The following MORC3 variants were observed in gnomAD, a reference collection of about 807,000 sequenced individuals.
MORC3 encodes the protein MORC family CW-type zinc finger protein 3.
In MORC3, 31 loss-of-function variants were observed where a neutral mutation model predicts 109.1. The ratio of observed to expected loss-of-function variants is 0.28; its 90% CI spans 0.21 to 0.38. The LOEUF (loss-of-function observed/expected upper bound fraction) is 0.38. Ranked by LOEUF, MORC3 falls within the 10% of genes least tolerant of loss-of-function variation. The pLI is 1.00. For missense variants in MORC3, 867 were observed against 1,135.8 expected (o/e 0.76, Z 3.40); for synonymous variants, 395 against 380.7 (o/e 1.04, Z -0.44).
intron 16 of MORC3, 87 bp from the exon 17 acceptor site, chr21:36,375,056 A>G (rs2085914705): frequency 9.0e-6 from 12 of 1,327,392 alleles, no homozygotes. Flanking sequence ...TTCTACGGAG[A>G]TTTGATTTTG....
chr21:36,364,784 G>C (rs1001929940), intron 14 of MORC3, among the ~76,000 whole-genome samples: 1 of 151,678 alleles, frequency 6.6e-6, no homozygotes, highest in Non-Finnish European at 1.5e-5. Flanking sequence ...GGGCGCGGTG[G>C]TTCACGCCTG....
Position 36,376,058 on chromosome 21 carries a change from A to G in MORC3, c.*762A>G, listed in dbSNP as rs901649483. On this transcript the variant is annotated 3_prime_UTR_variant, in exon 17 of 17. Coordinates refer to ENST00000400485, the MANE Select transcript of MORC3 (RefSeq NM_015358.3). Reference sequence around the variant, plus strand: ...GAAGTGGGCATGATAATTTTTTAATATTTCTTTTTGTGAAATTTCCTGTAC... The same window carrying G: ...GAAGTGGGCATGATAATTTTTTAATGTTTCTTTTTGTGAAATTTCCTGTAC... 6.6e-6 allele frequency: 1 copy of G among 152,248 alleles called. No homozygotes were observed. Among genetic ancestry groups the G allele is most frequent in the Non-Finnish European group, 1.5e-5 (1 of 68,030 alleles). The allele number at this position is 152,248 out of a possible 1,614,324, so 9.4% of individuals were successfully genotyped here. A position where few individuals can be genotyped will look rare whatever the true frequency, so the allele number is the denominator to read the frequency against.
chr21:36,320,282 C>G lies in MORC3; in HGVS notation c.18C>G (p.Pro6=), dbSNP rs995355338. ...CGCTCAAGATGGCGGCGCAGCCACC[C>G]CGCGGGATACGCCTCAGCGCGGTGA... MAAQP[P]RGIRLSALCP... The change falls in exon 1 of 17, where the codon CCC becomes CCG. Residue 6 remains proline (P), a synonymous_variant. Transcript: ENST00000400485. The G allele has an allele frequency of 1.3e-6, 2 of 1,579,168 alleles. No individual in the cohort carries two copies. The highest frequency in any genetic ancestry group is 2.7e-5 in the African/African-American group (2 of 73,714).
chr21:36,344,523 C>T lies in MORC3; in HGVS notation c.757-56C>T, dbSNP rs2085486565. ...GGAGAGCTTCTGTGTAAATCCATGT[C>T]TAAGTAATGGTGAGCAAACCTGTAG... is the stretch of plus-strand genomic sequence containing the variant. On this transcript the variant is annotated intron_variant, in intron 6 of 16. Coordinates refer to ENST00000400485, the MANE Select transcript of MORC3 (RefSeq NM_015358.3). 5.1e-6 allele frequency: 8 copies of T among 1,562,010 alleles called. No homozygotes were observed. In the South Asian group the frequency reaches 7.1e-5, roughly 14 times the overall value.
In MORC3 at chr21:36,369,075, A is replaced by C. The variant is rs1280675368; in HGVS notation, c.1707A>C (p.Lys569Asn). 1 of 1,614,174 alleles carries C rather than the reference A, an allele frequency of 6.2e-7. No homozygotes were observed. The change falls in exon 15 of 17, where the codon AAA becomes AAC. Residue 569 changes from lysine (K) to asparagine (N), a missense_variant. Around this residue, in one of 7 missense-constraint regions of MORC3, gnomAD observed 486 missense variants for 502.1 expected, o/e 0.97. Transcript: ENST00000400485. ...GTCAGTTTGAAAATTCAGTTTATAA[A>C]GGTGATGATGATGATGAAGATGTCA... ...LSSQFENSVY[K>N]GDDDDEDVII...
intron 9 of MORC3, among the ~76,000 whole-genome samples, chr21:36,354,348 G>A (rs559219353): frequency 5.7e-4 from 73 of 128,820 alleles, no homozygotes; most frequent in Non-Finnish European, 9.8e-4. Flanking sequence ...TTTTGAGATG[G>A]AGTCTCGCTC....
chr21:36,359,697 G>A (rs372457979), intron 10 of MORC3, among the ~76,000 whole-genome samples: 2 of 151,526 alleles, frequency 1.3e-5, no homozygotes, highest in African/African-American at 4.8e-5. Context: ...GGGACCACAG[G>A]TGTGCATTAC....
At chr21:36,370,150 G>A (rs867902333) in intron 15 of MORC3, among the ~76,000 whole-genome samples, 4 of 152,178 alleles carry the variant, frequency 2.6e-5, no homozygotes, top group South Asian at 2.1e-4. Context: ...GGAGGCTGCC[G>A]TGAGCCAAGA....
At position 36,375,483 on chromosome 21, in the gene MORC3, G is replaced by C. The variant is rs2085920189; in HGVS notation, c.*187G>C. ...CATTATCTTATGTTTTGAAATACCT[G>C]TGAATTGTTGGCATTGAGCAGCTGA... On this transcript the variant is annotated 3_prime_UTR_variant, in exon 17 of 17. Transcript: ENST00000400485. The C allele has an allele frequency of 1.9e-6, 1 of 512,860 alleles. No individual in the cohort carries two copies. Among genetic ancestry groups the C allele is most frequent in the Non-Finnish European group, 3.3e-6 (1 of 299,566 alleles). The allele number at this position is 512,860 out of a possible 1,614,324, so 31.8% of individuals were successfully genotyped here.
chr21:36,341,549 A>G lies in MORC3; in HGVS notation c.756+3A>G, dbSNP rs1289794200. On this transcript the variant is annotated splice_donor_region_variant and intron_variant, in intron 6 of 16. Transcript: ENST00000400485. ...CTGAGAGTGACTATTCCCTGAGGGT[A>G]TGTATTCAGCTCTCTTTGTGGAAGT... 2 of 1,613,912 alleles carry G rather than the reference A, an allele frequency of 1.2e-6. No homozygotes were observed. Among genetic ancestry groups the G allele is most frequent in the Non-Finnish European group, 8.5e-7 (1 of 1,179,978 alleles).
intron 12 of MORC3, 60 bp from the exon 13 acceptor site, chr21:36,362,123 G>T (rs1226651394): frequency 1.3e-6 from 2 of 1,531,812 alleles, no homozygotes; most frequent in East Asian, 2.3e-5. Flanking sequence ...TAAATGGCAG[G>T]TATGTCATTG....
chr21:36,362,770 G>T (rs1307117049), intron 13 of MORC3, among the ~76,000 whole-genome samples: 1 of 152,054 alleles, frequency 6.6e-6, no homozygotes, highest in Non-Finnish European at 1.5e-5. Flanking sequence ...AAGGGATTTG[G>T]TTTATTTAGT....
At chr21:36,349,045 G>A (rs968408040) in intron 8 of MORC3, among the ~76,000 whole-genome samples, 2 of 151,898 alleles carry the variant, frequency 1.3e-5, no homozygotes, top group Non-Finnish European at 2.9e-5. Flanking sequence ...CCAGCTACTC[G>A]GGAGGCTGAG....
chr21:36,367,557 C>CTGG (rs1159418105), intron 14 of MORC3, among the ~76,000 whole-genome samples: 1 of 152,164 alleles, frequency 6.6e-6, no homozygotes, highest in African/African-American at 2.4e-5. Context: ...AGTATCTGTG[C>CTGG]TGGAAAGCCA....
intron 9 of MORC3, among the ~76,000 whole-genome samples, chr21:36,352,361 A>G (rs763074404): frequency 2.1e-5 from 3 of 145,972 alleles, no homozygotes; most frequent in Non-Finnish European, 3.0e-5. Context: ...AATATTCTTG[A>G]GGAAATAACT....
intron 1 of MORC3, among the ~76,000 whole-genome samples, chr21:36,323,062 T>A (rs2085210465): frequency 6.6e-6 from 1 of 152,226 alleles, no homozygotes; most frequent in Non-Finnish European, 1.5e-5. Context: ...CATCCAGACA[T>A]CCAGAGAACT....
intron 2 of MORC3, among the ~76,000 whole-genome samples, chr21:36,335,271 G>A (rs1341930926): frequency 1.3e-5 from 2 of 151,820 alleles, no homozygotes; most frequent in Non-Finnish European, 2.9e-5. Flanking sequence ...TATCAAGGAA[G>A]GGTTCTATCA....
chr21:36,369,370 C>T lies in MORC3; in HGVS notation c.2002C>T (p.Leu668=). Reference sequence around the variant, plus strand: ...AGACGTAAGAAATGATGCAGTGATTCTGCCCTCCTGTGTAGAAGCTGAAGC... The same window carrying T: ...AGACGTAAGAAATGATGCAGTGATTTTGCCCTCCTGTGTAGAAGCTGAAGC... ...EIDVRNDAVI[L]PSCVEAEAKI... is the part of the protein sequence containing the mutation. The change falls in exon 15 of 17, where the codon CTG becomes TTG. Residue 668 remains leucine (L), a synonymous_variant. Transcript: ENST00000400485. The T allele has an allele frequency of 6.2e-7, 1 of 1,614,170 alleles. No individual in the cohort carries two copies. The highest frequency in any genetic ancestry group is 8.5e-7 in the Non-Finnish European group (1 of 1,180,030).
chr21:36,359,027 A>G (rs998241658), intron 10 of MORC3, among the ~76,000 whole-genome samples: 1 of 152,190 alleles, frequency 6.6e-6, no homozygotes, highest in African/African-American at 2.4e-5. Context: ...AACTAAAAGT[A>G]TACTAATTTT....
Sources: gnomAD v4.1 joint callset for allele counts (sites outside exome capture counted in the v4.1 genomes callset) on GRCh38, gnomAD v4.1.1 for gene constraint, gnomAD v4.1.1 regional missense constraint, MANE v1.5 for transcripts, NCBI Gene and HGNC (gene_info 2026-07-23, HGNC 2026-07-21) for gene names.